ABI3BP: variants seen among roughly 807,000 people sequenced by gnomAD.
ABI3BP encodes the protein ABI family member 3 binding protein.
ABI3BP carries 216 observed loss-of-function variants against 268.6 expected under a neutral mutation model. The observed-to-expected ratio is 0.80, with a 90% CI of 0.72 to 0.90. ABI3BP has a LOEUF of 0.90. ABI3BP is among the 40% of genes least tolerant of loss of function. The pLI is 0.00. For missense variants in ABI3BP, 2,090 were observed against 2,182.4 expected, an observed-to-expected ratio of 0.96 and a Z score of 0.84; for synonymous variants, 730 against 730.0, an observed-to-expected ratio of 1.00 and a Z score of 0.00.
chr3:100,864,289 C>A (rs2099028538), intron 11 of ABI3BP: 1 of 547,940 alleles, frequency 1.8e-6, no homozygotes, highest in Non-Finnish European at 3.3e-6. Context: ...AGAAGATCAA[C>A]ATCAAATTAC....
Position 100,765,827 on chromosome 3 carries a change from C to G in ABI3BP, c.4850+14G>C, listed in dbSNP as rs374862232. ...CACTCTCAGAATTTACCTGGAATAG[C>G]ACTGGTGGCTTACCTCGTGTTTGGT... is the stretch of plus-strand genomic sequence containing the variant. On this transcript the variant is annotated intron_variant, in intron 63 of 67. Coordinates refer to ENST00000471714, the MANE Select transcript of ABI3BP (RefSeq NM_001375547.2). The G allele has an allele frequency of 1.9e-6, 3 of 1,561,812 alleles. No homozygotes were observed. Among genetic ancestry groups the G allele is most frequent in the Non-Finnish European group, 2.6e-6 (3 of 1,138,540 alleles).
chr3:100,756,620 T>G (rs1476751319), intron 63 of ABI3BP, among the ~76,000 whole-genome samples: 1 of 152,178 alleles, frequency 6.6e-6, no homozygotes, highest in African/African-American at 2.4e-5. Context: ...TTGATTCAAA[T>G]GGGCAGTGCA....
intron 3 of ABI3BP, among the ~76,000 whole-genome samples, chr3:100,900,774 G>A (rs780673187): frequency 8.5e-5 from 13 of 152,066 alleles, no homozygotes; most frequent in South Asian, 4.1e-4. Context: ...AATTATATCC[G>A]CTATCCAAAA....
chr3:100,817,038 A>G (rs1173814367), intron 42 of ABI3BP, among the ~76,000 whole-genome samples: 1 of 152,212 alleles, frequency 6.6e-6, no homozygotes, highest in Non-Finnish European at 1.5e-5. Context: ...TCAGGCTCAC[A>G]CTAAATCTTT....
chr3:100,943,902 T>C (rs1408939470), intron 1 of ABI3BP, among the ~76,000 whole-genome samples: 5 of 152,134 alleles, frequency 3.3e-5, no homozygotes, highest in African/African-American at 1.2e-4. Flanking sequence ...ATATGTATAT[T>C]TCTAATTTTC....
chr3:100,771,036 A>T, intron 61 of ABI3BP, 84 bp from the exon 62 acceptor site: 1 of 1,195,894 alleles, frequency 8.4e-7, no homozygotes, highest in Non-Finnish European at 1.1e-6. Flanking sequence ...TAATTTGAGG[A>T]CATTTGGTCT....
chr3:100,813,757 T>A (rs1039419527), intron 44 of ABI3BP, 22 bp from the exon 45 acceptor site: 1 of 1,523,034 alleles, frequency 6.6e-7, no homozygotes, highest in East Asian at 2.5e-5. Flanking sequence ...GGGTCTCAAT[T>A]GTAAGAGTAA....
chr3:100,794,797 A>T, intron 54 of ABI3BP, 126 bp downstream of exon 54: 1 of 672,588 alleles, frequency 1.5e-6, no homozygotes, highest in South Asian at 1.9e-5. Flanking sequence ...AAAAGTATTG[A>T]GTGAAATGGA....
At chr3:100,878,383 T>C (rs1419239769) in intron 6 of ABI3BP, among the ~76,000 whole-genome samples, 1 of 152,246 alleles carries the variant, frequency 6.6e-6, no homozygotes, top group African/African-American at 2.4e-5. Flanking sequence ...CTTTCTATAT[T>C]TGCCAAATTT....
At chr3:100,919,690 A>G (rs1475341883) in intron 2 of ABI3BP, among the ~76,000 whole-genome samples, 1 of 152,262 alleles carries the variant, frequency 6.6e-6, no homozygotes, top group East Asian at 1.9e-4. Context: ...CCATCATTTA[A>G]GTAAATTAAA....
intron 28 of ABI3BP, among the ~76,000 whole-genome samples, chr3:100,835,076 C>G (rs780682020): frequency 2.0e-5 from 3 of 152,162 alleles, no homozygotes; most frequent in African/African-American, 7.2e-5. Context: ...ACGTAGACAT[C>G]ACATCAGAGA....
intron 1 of ABI3BP, among the ~76,000 whole-genome samples, chr3:100,934,166 T>A (rs551542129): frequency 1.3e-5 from 2 of 151,798 alleles, no homozygotes; most frequent in South Asian, 4.2e-4. Context: ...TGGTGTGTGA[T>A]GTTCCCCTCC....
At chr3:100,938,546 T>A (rs912253061) in intron 1 of ABI3BP, among the ~76,000 whole-genome samples, 2 of 152,130 alleles carry the variant, frequency 1.3e-5, no homozygotes, top group Non-Finnish European at 2.9e-5. Context: ...TATCTTCAGT[T>A]GTTCCTGATC....
chr3:100,914,033 A>G (rs542216927), intron 2 of ABI3BP, among the ~76,000 whole-genome samples: 4 of 152,214 alleles, frequency 2.6e-5, no homozygotes, highest in Non-Finnish European at 5.9e-5. Flanking sequence ...GCAGAAAGGA[A>G]AAAAAATAAT....
chr3:100,898,781 T>A lies in ABI3BP; in HGVS notation c.442A>T (p.Ser148Cys). Residue 148 changes from serine to cysteine, a missense_variant, in exon 4 of 68, where the codon AGT becomes TGT. Physicochemically the swap from Ser to Cys is moderately radical, Grantham distance 112. Coordinates refer to ENST00000471714, the MANE Select transcript of ABI3BP (RefSeq NM_001375547.2). ...TATTACCTGTCATTGGGACAGTGACTTGGCAATGTCCAGTCATGGTGTGGG... is the reference window on the plus strand; with the variant it reads ...TATTACCTGTCATTGGGACAGTGACATGGCAATGTCCAGTCATGGTGTGGG... The part of the protein sequence containing the change: ...INPHHDWTLP[S>C]HCPNDRFYTI... 2 of 1,613,542 alleles carry A rather than the reference T, an allele frequency of 1.2e-6. No individual in the cohort carries two copies. The highest frequency in any genetic ancestry group is 1.7e-6 in the Non-Finnish European group (2 of 1,179,714).
intron 63 of ABI3BP, among the ~76,000 whole-genome samples, chr3:100,765,468 G>C (rs184451875): frequency 6.6e-6 from 1 of 152,244 alleles, no homozygotes; most frequent in East Asian, 1.9e-4. Flanking sequence ...TCCTTTTCTT[G>C]CCCTCTCCTT....
intron 4 of ABI3BP, among the ~76,000 whole-genome samples, chr3:100,893,836 C>A (rs2045913697): frequency 6.6e-6 from 1 of 152,116 alleles, no homozygotes; most frequent in South Asian, 2.1e-4. Context: ...GAGGGGATCA[C>A]TGGAGAAGCA....
intron 15 of ABI3BP, among the ~76,000 whole-genome samples, chr3:100,851,417 T>C (rs1051644513): frequency 1.3e-4 from 20 of 152,300 alleles, no homozygotes; most frequent in Admixed American, 7.8e-4. Flanking sequence ...TGCAGGGGTT[T>C]GGCAGCACCC....
intron 1 of ABI3BP, among the ~76,000 whole-genome samples, chr3:100,991,177 A>C (rs1239428904): frequency 6.6e-6 from 1 of 152,222 alleles, no homozygotes; most frequent in East Asian, 1.9e-4. Context: ...TCTGGGAATC[A>C]CTAGACTAAG....
Sources: allele counts gnomAD v4.1 joint callset (sites outside exome capture counted in the v4.1 genomes callset), GRCh38; gene constraint gnomAD v4.1.1; transcripts MANE v1.5; gene names NCBI Gene and HGNC (gene_info 2026-07-23, HGNC 2026-07-21).